Variants in PTPN2 observed in about 807,000 individuals in gnomAD.
PTPN2 encodes protein tyrosine phosphatase non-receptor type 2.
In PTPN2, 19 loss-of-function variants were observed where a neutral mutation model predicts 57.3. The observed-to-expected ratio is 0.33, with a 90% CI of 0.23 to 0.49. PTPN2 has a LOEUF of 0.49. Among genes scored for constraint, PTPN2 ranks in the 20% least tolerant of loss-of-function variants. The pLI is 0.99. For missense variants in PTPN2, 358 were observed against 501.1 expected (o/e 0.71, Z 2.73); for synonymous variants, 153 against 164.9 (o/e 0.93, Z 0.55).
rs556799986 is a variant in PTPN2 at position 12,874,472 on chromosome 18, C to T, written c.69+9601G>A. Among the ~76,000 whole-genome samples, 675 of 142,182 alleles carry T rather than the reference C, an allele frequency of 4.7e-3. 6 individuals are homozygous for T. The highest frequency in any genetic ancestry group is 0.017 in the African/African-American group (643 of 37,870). The allele number at this position is 142,182 out of a possible 152,430, so 93.3% of individuals were successfully genotyped here. On this transcript the variant is annotated intron_variant, in intron 1 of 8. Coordinates refer to ENST00000309660, the MANE Select transcript of PTPN2 (RefSeq NM_002828.4). ...GAGGTGAGGGGCGCCTCTGCCCGGC[C>T]GCCCCTACTGGGAAGTGAGGAGCCC...
chr18:12,845,781 GA>G (rs2043186328), intron 2 of PTPN2, among the ~76,000 whole-genome samples: 1 of 152,082 alleles, frequency 6.6e-6, no homozygotes, highest in Non-Finnish European at 1.5e-5. Context: ...CAAGCACAAA[GA>G]ATTTTCTTCC....
chr18:12,841,709 G>A lies in PTPN2; in HGVS notation c.161-4818C>T, dbSNP rs1225171287. On this transcript the variant is annotated intron_variant, in intron 2 of 8. Transcript: ENST00000309660. ...AGGACAATGTCACTAATTAAATTCT[G>A]ATTCCACAAATCTCCTAATTGAAAA... Among the ~76,000 whole-genome samples, 18 of 152,256 alleles carry A rather than the reference G, an allele frequency of 1.2e-4. No individual in the cohort carries two copies. In the East Asian group the frequency reaches 2.9e-3, roughly 24 times the overall value.
chr18:12,826,608 G>A (rs974267892), intron 4 of PTPN2, among the ~76,000 whole-genome samples: 5 of 151,864 alleles, frequency 3.3e-5, no homozygotes, highest in African/African-American at 1.2e-4. Flanking sequence ...TTGCTCTGTC[G>A]CCCAGGCTGG....
At chr18:12,850,769 C>T (rs938461860) in intron 2 of PTPN2, among the ~76,000 whole-genome samples, 1 of 150,732 alleles carries the variant, frequency 6.6e-6, no homozygotes, top group Admixed American at 6.6e-5. Context: ...GACAGAGTTT[C>T]GCTCTCGTTG....
chr18:12,840,658 T>C, intron 2 of PTPN2: 3 of 1,572,802 alleles, frequency 1.9e-6, no homozygotes, highest in African/African-American at 1.3e-5. Context: ...TCATCACAAG[T>C]GTAACACACT....
intron 7 of PTPN2, among the ~76,000 whole-genome samples, chr18:12,802,882 A>G (rs1598743689): frequency 2.6e-5 from 4 of 152,256 alleles, no homozygotes. Context: ...GACTGGAAGC[A>G]AAAGTATAAT....
chr18:12,871,406 T>C (rs2044265492), intron 1 of PTPN2, among the ~76,000 whole-genome samples: 1 of 152,180 alleles, frequency 6.6e-6, no homozygotes, highest in Non-Finnish European at 1.5e-5. Context: ...TAATTTGAAA[T>C]TGTTATTATT....
rs781675975 is a variant in PTPN2, at chr18:12,825,777, A to G, written c.495+33T>C. On this transcript the variant is annotated intron_variant, in intron 5 of 8. Transcript: ENST00000309660. ...AGAATAATTCTTTAAACCATCATAT[A>G]AAGTCCACAATTTCGGGCAAGAAAG... 19 of 1,573,576 alleles carry G rather than the reference A, an allele frequency of 1.2e-5. No individual in the cohort carries two copies. The East Asian group carries it at 3.4e-4, about 28-fold the overall frequency.
At chr18:12,881,095 C>A (rs886879028) in intron 1 of PTPN2, among the ~76,000 whole-genome samples, 1 of 152,206 alleles carries the variant, frequency 6.6e-6, no homozygotes, top group Admixed American at 6.5e-5. Context: ...CGTGCCTACA[C>A]TTTCCTCATC....
chr18:12,852,985 T>C (rs1422751564), intron 2 of PTPN2, among the ~76,000 whole-genome samples: 1 of 152,236 alleles, frequency 6.6e-6, no homozygotes, highest in African/African-American at 2.4e-5. Context: ...CTCAGCTCCA[T>C]CAATGCACTG....
intron 1 of PTPN2, among the ~76,000 whole-genome samples, chr18:12,868,750 G>A (rs909646668): frequency 2.7e-5 from 4 of 150,646 alleles, no homozygotes; most frequent in Non-Finnish European, 4.4e-5. Flanking sequence ...TGATCTGCCC[G>A]CTTCAGCCTC....
In PTPN2 at chr18:12,793,004, G is replaced by A. The variant is rs2041029804; in HGVS notation, c.*1274C>T. 1.0e-6 allele frequency: 1 copy of A among 984,868 alleles called. No individual in the cohort carries two copies. 61.0% of individuals were successfully genotyped at this position (984,868 alleles called of 1,614,324 possible). Reference sequence around the variant, plus strand: ...ATGCTGTGGTTGAAAGTAACCTCTTGACCCACCTGGACATCCAATGAGCAT... The same window carrying A: ...ATGCTGTGGTTGAAAGTAACCTCTTAACCCACCTGGACATCCAATGAGCAT... On this transcript the variant is annotated 3_prime_UTR_variant, in exon 9 of 9. Transcript: ENST00000309660.
intron 1 of PTPN2, among the ~76,000 whole-genome samples, chr18:12,859,826 C>T (rs1342709279): frequency 6.6e-6 from 1 of 152,046 alleles, no homozygotes; most frequent in Non-Finnish European, 1.5e-5. Flanking sequence ...CATTACTTCT[C>T]CTTAAAAAAA....
rs1243369516 is a variant in PTPN2 at position 12,793,818 on chromosome 18, T to C, written c.*460A>G. 7 of 950,866 alleles carry C rather than the reference T, an allele frequency of 7.4e-6. No homozygotes were observed. Among genetic ancestry groups the C allele is most frequent in the Non-Finnish European group, 8.8e-6 (7 of 796,056 alleles). 58.9% of individuals were successfully genotyped at this position (950,866 alleles called of 1,614,324 possible). A position where few individuals can be genotyped will look rare whatever the true frequency, so the allele number is the denominator to read the frequency against. On this transcript the variant is annotated 3_prime_UTR_variant, in exon 9 of 9. Coordinates refer to ENST00000309660, the MANE Select transcript of PTPN2 (RefSeq NM_002828.4). ...CTGAAATGCTTAAGAATAAAAGTGT[T>C]GATGCCCATGTCAATAGTACATTAT...
At chr18:12,859,829 TAAA>T (rs148160801) in intron 1 of PTPN2, among the ~76,000 whole-genome samples, 1 of 150,738 alleles carries the variant, frequency 6.6e-6, no homozygotes, top group Admixed American at 6.6e-5. Context: ...TACTTCTCCT[TAAA>T]AAAAAAATTA....
intron 8 of PTPN2, among the ~76,000 whole-genome samples, chr18:12,799,354 T>C (rs1416539503): frequency 1.3e-5 from 2 of 148,336 alleles, no homozygotes; most frequent in African/African-American, 2.5e-5. Flanking sequence ...GAGGTGGAGG[T>C]TGCAGTGAGC....
At chr18:12,868,749 C>T (rs1202559437) in intron 1 of PTPN2, among the ~76,000 whole-genome samples, 1 of 150,468 alleles carries the variant, frequency 6.6e-6, no homozygotes, top group East Asian at 2.1e-4. Context: ...GTGATCTGCC[C>T]GCTTCAGCCT....
At chr18:12,825,284 T>A (rs2042410156) in intron 5 of PTPN2, among the ~76,000 whole-genome samples, 1 of 152,206 alleles carries the variant, frequency 6.6e-6, no homozygotes, top group Non-Finnish European at 1.5e-5. Flanking sequence ...AATAGCTTTG[T>A]AAGTTATTTT....
At chr18:12,853,559 C>G (rs1598852394) in intron 2 of PTPN2, among the ~76,000 whole-genome samples, 1 of 152,164 alleles carries the variant, frequency 6.6e-6, no homozygotes. Context: ...CGAGAACCAC[C>G]ACCTCCACTG....
Sources: allele counts gnomAD v4.1 joint callset (sites outside exome capture counted in the v4.1 genomes callset), GRCh38; gene constraint gnomAD v4.1.1; transcripts MANE v1.5; gene names NCBI Gene and HGNC (gene_info 2026-07-23, HGNC 2026-07-21).